PDE4D: variants seen among roughly 807,000 people sequenced by gnomAD.
The protein encoded by PDE4D is 3',5'-cyclic-AMP phosphodiesterase 4D.
Under a neutral mutation model 87.4 loss-of-function variants are expected in PDE4D, and 24 were observed. The ratio of observed to expected loss-of-function variants is 0.27; its 90% confidence interval spans 0.20 to 0.39. PDE4D has a LOEUF of 0.39. PDE4D is among the 10% of genes least tolerant of loss of function. The pLI is 1.00. For missense variants in PDE4D, 714 were observed against 1,041.0 expected, an observed-to-expected ratio of 0.69 and a Z score of 4.32; for synonymous variants, 384 against 383.2, an observed-to-expected ratio of 1.00 and a Z score of -0.02.
intron 1 of PDE4D, among the ~76,000 whole-genome samples, chr5:60,247,820 G>A (rs1403614285): frequency 6.6e-6 from 1 of 151,906 alleles, no homozygotes; most frequent in Non-Finnish European, 1.5e-5. Context: ...AAGTTATATG[G>A]CTTTTCTTCT....
intron 5 of PDE4D, among the ~76,000 whole-genome samples, chr5:59,113,393 A>C (rs1032195810): frequency 6.6e-6 from 1 of 152,202 alleles, no homozygotes; most frequent in Non-Finnish European, 1.5e-5. Flanking sequence ...ATCATGTTAA[A>C]CCTAAACTTA....
In PDE4D at chr5:59,768,534, G is replaced by A. The variant is rs772526976; in HGVS notation, c.455+124634C>T. 2.5e-6 allele frequency: 4 copies of A among 1,596,090 alleles called. No individual in the cohort carries two copies. In the East Asian group the frequency reaches 6.7e-5, roughly 27 times the overall value. ...TTTTCCTGGTCAACTTTGTACAGCTGGCAAGAATCCAGGGCAACGTGGTTC... is the reference window on the plus strand; with the variant it reads ...TTTTCCTGGTCAACTTTGTACAGCTAGCAAGAATCCAGGGCAACGTGGTTC... On this transcript the variant is annotated intron_variant, in intron 1 of 14. Coordinates refer to ENST00000340635, the MANE Select transcript of PDE4D (RefSeq NM_001104631.2).
At chr5:60,432,134 A>G (rs1284039612) in intron 1 of PDE4D, among the ~76,000 whole-genome samples, 1 of 150,570 alleles carries the variant, frequency 6.6e-6, no homozygotes, top group Non-Finnish European at 1.5e-5. Context: ...AGTTTTTTTT[A>G]TGTGCTGCTG....
intron 2 of PDE4D, among the ~76,000 whole-genome samples, chr5:60,105,048 A>G (rs1276834162): frequency 6.6e-6 from 1 of 152,248 alleles, no homozygotes; most frequent in Non-Finnish European, 1.5e-5. Flanking sequence ...AAGGCTTCAG[A>G]CAATCAAACT....
chr5:59,397,225 C>G (rs549508868), intron 1 of PDE4D, among the ~76,000 whole-genome samples: 1 of 117,958 alleles, frequency 8.5e-6, no homozygotes, highest in South Asian at 2.9e-4. Flanking sequence ...CTGCACCAAG[C>G]AGACCTAATA....
rs114318403 is a variant in PDE4D at position 60,146,775 on chromosome 5, T to C, written c.42+38782A>G. Among the ~76,000 whole-genome samples, 1,298 of 152,190 alleles carry C rather than the reference T, an allele frequency of 8.5e-3. 15 individuals carry two copies. The highest frequency in any genetic ancestry group is 0.029 in the African/African-American group (1,195 of 41,512). On this transcript the variant is annotated intron_variant, in intron 2 of 16. Transcript: ENST00000502484. ...TTAATATTCAAAATACAGAACTCAA[T>C]AGCAAGAAAATAAATAACTCATTTT...
chr5:59,766,633 G>A (rs1375077953), intron 1 of PDE4D, among the ~76,000 whole-genome samples: 1 of 152,216 alleles, frequency 6.6e-6, no homozygotes, highest in Non-Finnish European at 1.5e-5. Context: ...AACCAAAAGG[G>A]ACACTGGACA....
chr5:60,033,487 T>C (rs1767463100), intron 2 of PDE4D, among the ~76,000 whole-genome samples: 1 of 152,212 alleles, frequency 6.6e-6, no homozygotes, highest in South Asian at 2.1e-4. Flanking sequence ...AATTTTATTT[T>C]ATCCATTTTT....
chr5:59,110,722 A>G (rs1772473935), intron 5 of PDE4D, among the ~76,000 whole-genome samples: 1 of 152,102 alleles, frequency 6.6e-6, no homozygotes, highest in Non-Finnish European at 1.5e-5. Flanking sequence ...AGATACAAAA[A>G]TTAGCCAGGC....
At chr5:60,342,363 C>T (rs543872336) in intron 1 of PDE4D, among the ~76,000 whole-genome samples, 17 of 152,058 alleles carry the variant, frequency 1.1e-4, no homozygotes, top group African/African-American at 2.9e-4. Context: ...GTGGAAGGTG[C>T]GAGCTCAGTC....
intron 1 of PDE4D, among the ~76,000 whole-genome samples, chr5:59,364,666 T>C (rs1782758889): frequency 1.3e-5 from 2 of 152,186 alleles, no homozygotes; most frequent in Admixed American, 1.3e-4. Context: ...GCAGCAAGTA[T>C]TTTTCTAAAT....
At chr5:59,748,623 G>A (rs578060849) in intron 1 of PDE4D, among the ~76,000 whole-genome samples, 1 of 142,560 alleles carries the variant, frequency 7.0e-6, no homozygotes, top group Non-Finnish European at 1.5e-5. Context: ...GACACAGGAA[G>A]GGGGACATCA....
chr5:60,130,908 G>A (rs1260207250), intron 2 of PDE4D, among the ~76,000 whole-genome samples: 3 of 152,132 alleles, frequency 2.0e-5, no homozygotes, highest in Non-Finnish European at 4.4e-5. Context: ...TGTCTATGGA[G>A]CAATTCTAAA....
chr5:60,031,043 A>G (rs934855964), intron 2 of PDE4D: 2 of 152,236 alleles, frequency 1.3e-5, no homozygotes, highest in Non-Finnish European at 2.9e-5. Context: ...TTGAAAATAG[A>G]TATAGAATAA....
At chr5:60,161,358 T>G (rs1046351616) in intron 2 of PDE4D, among the ~76,000 whole-genome samples, 2 of 152,156 alleles carry the variant, frequency 1.3e-5, no homozygotes, top group African/African-American at 4.8e-5. Context: ...CATGTCCCCC[T>G]TCTTCCTCAC....
At chr5:59,165,841 C>T (rs550473370) in intron 5 of PDE4D, among the ~76,000 whole-genome samples, 53 of 152,250 alleles carry the variant, frequency 3.5e-4, no homozygotes, top group Non-Finnish European at 7.2e-4. Flanking sequence ...AGGACGCAAA[C>T]AAGACAAATT....
At chr5:60,230,508 G>A (rs1165768648) in intron 1 of PDE4D, among the ~76,000 whole-genome samples, 1 of 152,090 alleles carries the variant, frequency 6.6e-6, no homozygotes, top group African/African-American at 2.4e-5. Flanking sequence ...TCTGCCACTA[G>A]AAGAGGGACT....
At chr5:59,648,927 C>G (rs899775157) in intron 1 of PDE4D, among the ~76,000 whole-genome samples, 1 of 152,130 alleles carries the variant, frequency 6.6e-6, no homozygotes, top group Non-Finnish European at 1.5e-5. Flanking sequence ...GCTTGTCTTA[C>G]GAGTTGATGT....
chr5:59,147,985 A>C (rs1178473130), intron 5 of PDE4D, among the ~76,000 whole-genome samples: 1 of 152,162 alleles, frequency 6.6e-6, no homozygotes, highest in Non-Finnish European at 1.5e-5. Context: ...TCTTGGTATA[A>C]AGTGATTTTC....
Sources: gnomAD v4.1 joint callset for allele counts (sites outside exome capture counted in the v4.1 genomes callset) on GRCh38, gnomAD v4.1.1 for gene constraint, MANE v1.5 for transcripts, NCBI Gene and HGNC (gene_info 2026-07-23, HGNC 2026-07-21) for gene names.